SLX4IP: variants seen among roughly 807,000 people sequenced by gnomAD.
The protein encoded by SLX4IP is SLX4 interacting protein.
Under a neutral mutation model 32.9 loss-of-function variants are expected in SLX4IP, and 34 were observed. That is an observed-to-expected ratio of 1.03 (90% CI 0.79 to 1.38). The LOEUF is 1.38. Among genes scored for constraint, SLX4IP ranks in the 40% most tolerant of loss-of-function variants. The pLI is 0.00. For synonymous variants in SLX4IP, 172 were observed against 171.7 expected (o/e 1.00, Z -0.01); for missense variants, 444 against 479.0 (o/e 0.93, Z 0.68).
chr20:10,450,391 T>A (rs1285768297), intron 1 of SLX4IP, among the ~76,000 whole-genome samples: 5 of 152,222 alleles, frequency 3.3e-5, no homozygotes, highest in Non-Finnish European at 7.3e-5. Flanking sequence ...AATGTAATTT[T>A]AAAAAATTCA....
chr20:10,564,127 G>A (rs779684749), intron 4 of SLX4IP, among the ~76,000 whole-genome samples: 7 of 151,612 alleles, frequency 4.6e-5, no homozygotes, highest in East Asian at 1.9e-4. Flanking sequence ...AGAGGGACAC[G>A]CCATGGTATA....
At chr20:10,569,492 T>C (rs886750003) in intron 4 of SLX4IP, among the ~76,000 whole-genome samples, 21 of 152,268 alleles carry the variant, frequency 1.4e-4, no homozygotes, top group African/African-American at 5.1e-4. Context: ...TTTCCTGTTA[T>C]ACAGTGTATT....
chr20:10,518,488 CTT>C (rs375755031), intron 2 of SLX4IP, among the ~76,000 whole-genome samples: 1,066 of 40,436 alleles, frequency 0.026, 42 homozygotes, highest in Middle Eastern at 0.054. Flanking sequence ...CTTTCCTTTC[CTT>C]TTCCTTCCTT....
chr20:10,471,636 G>T (rs1183430855), intron 2 of SLX4IP, among the ~76,000 whole-genome samples: 2 of 152,120 alleles, frequency 1.3e-5, no homozygotes, highest in Non-Finnish European at 2.9e-5. Context: ...TCCTATCTAG[G>T]GGCAAGTCAG....
At chr20:10,495,605 A>G (rs1291091144) in intron 2 of SLX4IP, among the ~76,000 whole-genome samples, 2 of 152,114 alleles carry the variant, frequency 1.3e-5, no homozygotes, top group South Asian at 4.1e-4. Flanking sequence ...CATTTTCCTT[A>G]TATCTTGTCA....
intron 6 of SLX4IP, among the ~76,000 whole-genome samples, chr20:10,619,095 A>G (rs1358769230): frequency 6.6e-6 from 1 of 152,196 alleles, no homozygotes; most frequent in African/African-American, 2.4e-5. Flanking sequence ...CTGCCCACCC[A>G]GTCTTCATAC....
chr20:10,473,606 CTTT>C (rs33939350), intron 2 of SLX4IP, among the ~76,000 whole-genome samples: 11 of 135,944 alleles, frequency 8.1e-5, no homozygotes, highest in Non-Finnish European at 4.9e-5. Flanking sequence ...AGTTCTGTTT[CTTT>C]TTTTTTTTTT....
chr20:10,623,544 T>A lies in SLX4IP; in HGVS notation c.*165T>A. ...TGGCTATGGTTTGTTTTCAAAGCAT[T>A]TCAAACCGGGAGGCTATATGCTTGT... On this transcript the variant is annotated 3_prime_UTR_variant, in exon 8 of 8. Transcript: ENST00000334534. 9.5e-7 allele frequency: 1 copy of A among 1,047,798 alleles called. No individual in the cohort carries two copies. Among genetic ancestry groups the A allele is most frequent in the Non-Finnish European group, 1.3e-6 (1 of 750,138 alleles). 64.9% of individuals were successfully genotyped at this position (1,047,798 alleles called of 1,614,324 possible). A position where few individuals can be genotyped will look rare whatever the true frequency, so the allele number is the denominator to read the frequency against.
intron 2 of SLX4IP, among the ~76,000 whole-genome samples, chr20:10,462,771 T>C (rs1189835182): frequency 6.6e-6 from 1 of 152,232 alleles, no homozygotes; most frequent in African/African-American, 2.4e-5. Context: ...CTGTGTATTT[T>C]GCCTAGAAAG....
intron 4 of SLX4IP, among the ~76,000 whole-genome samples, chr20:10,578,818 T>G (rs2066550528): frequency 6.6e-6 from 1 of 152,228 alleles, no homozygotes; most frequent in Non-Finnish European, 1.5e-5. Context: ...ATTTCCCTGA[T>G]GACTAATAAT....
At chr20:10,445,300 CTTTT>C (rs1477495759) in intron 1 of SLX4IP, among the ~76,000 whole-genome samples, 1 of 140,778 alleles carries the variant, frequency 7.1e-6, no homozygotes, top group African/African-American at 2.6e-5. Context: ...ATTGCTTTTT[CTTTT>C]TTCTTTCTTT....
chr20:10,523,024 G>A (rs1217233782), intron 2 of SLX4IP, among the ~76,000 whole-genome samples: 2 of 152,072 alleles, frequency 1.3e-5, no homozygotes, highest in Non-Finnish European at 2.9e-5. Flanking sequence ...AAGTCTCCCG[G>A]CCCACTATTC....
At chr20:10,494,149 T>C (rs956241932) in intron 2 of SLX4IP, among the ~76,000 whole-genome samples, 3 of 151,652 alleles carry the variant, frequency 2.0e-5, no homozygotes, top group Admixed American at 6.6e-5. Context: ...AAACTTTTTA[T>C]GAATGAGCTT....
intron 2 of SLX4IP, among the ~76,000 whole-genome samples, chr20:10,474,753 T>A (rs557138138): frequency 6.6e-5 from 10 of 152,348 alleles, no homozygotes; most frequent in African/African-American, 2.2e-4. Flanking sequence ...AAAAGCAGTT[T>A]ATTCCATCTA....
intron 2 of SLX4IP, among the ~76,000 whole-genome samples, chr20:10,531,167 C>G (rs2065985784): frequency 1.3e-5 from 2 of 152,316 alleles, no homozygotes; most frequent in South Asian, 4.1e-4. Context: ...CACTTCTCCC[C>G]ACCCATCTCA....
In SLX4IP at chr20:10,436,091, G is replaced by A. The variant is rs537256157; in HGVS notation, c.-30+638G>A. Among the ~76,000 whole-genome samples, 10 of 152,060 alleles carry A rather than the reference G, an allele frequency of 6.6e-5. No individual in the cohort carries two copies. In the South Asian group the frequency reaches 2.1e-3, roughly 32 times the overall value. On this transcript the variant is annotated intron_variant, in intron 1 of 7. Coordinates refer to ENST00000334534, the MANE Select transcript of SLX4IP (RefSeq NM_001009608.3). ...TTTTGGCCGGGTGTAGGAATTAATGGTATTGACACTTACTTCTTGGATCCT... is the reference window on the plus strand; with the variant it reads ...TTTTGGCCGGGTGTAGGAATTAATGATATTGACACTTACTTCTTGGATCCT...
At chr20:10,508,743 A>C (rs2065780403) in intron 2 of SLX4IP, among the ~76,000 whole-genome samples, 1 of 152,096 alleles carries the variant, frequency 6.6e-6, no homozygotes, top group Admixed American at 6.6e-5. Flanking sequence ...GTTGTCAGTG[A>C]GCCTGCTTCT....
At chr20:10,531,581 G>A (rs2065989796) in intron 2 of SLX4IP, among the ~76,000 whole-genome samples, 1 of 152,186 alleles carries the variant, frequency 6.6e-6, no homozygotes, top group Non-Finnish European at 1.5e-5. Context: ...AAAGTCCTTG[G>A]TCTCATGGAG....
intron 2 of SLX4IP, among the ~76,000 whole-genome samples, chr20:10,501,669 G>A (rs1382529305): frequency 1.3e-5 from 2 of 152,260 alleles, no homozygotes; most frequent in Non-Finnish European, 2.9e-5. Context: ...GCCACAAAGA[G>A]ATGGCAGTCA....
Sources: gnomAD v4.1 joint callset for allele counts (sites outside exome capture counted in the v4.1 genomes callset) on GRCh38, gnomAD v4.1.1 for gene constraint, MANE v1.5 for transcripts, NCBI Gene and HGNC (gene_info 2026-07-23, HGNC 2026-07-21) for gene names.